Variants in TP63 observed in about 807,000 individuals in gnomAD.
TP63 encodes tumor protein p63.
In TP63, 17 loss-of-function variants were observed where a neutral mutation model predicts 82.8. The observed-to-expected ratio is 0.21, with a 90% CI of 0.14 to 0.31. The LOEUF (loss-of-function observed/expected upper bound fraction) is 0.31, where lower values mean the gene tolerates loss of function less well. Among genes scored for constraint, TP63 ranks in the 10% least tolerant of loss-of-function variants. The probability of loss-of-function intolerance (pLI) is 1.00; values close to 1 mark genes in which losing one functional copy is unlikely to be tolerated. For synonymous variants in TP63, 330 were observed against 321.7 expected (o/e 1.03, Z -0.28); for missense variants, 648 against 895.3 (o/e 0.72, Z 3.52).
intron 1 of TP63, among the ~76,000 whole-genome samples, chr3:189,679,997 C>T (rs1198752119): frequency 2.6e-5 from 4 of 152,046 alleles, no homozygotes; most frequent in Admixed American, 2.6e-4. Context: ...TATGACAGTA[C>T]CACACTGTCT....
chr3:189,680,064 A>T (rs1356491691), intron 1 of TP63, among the ~76,000 whole-genome samples: 2 of 152,124 alleles, frequency 1.3e-5, no homozygotes, highest in African/African-American at 4.8e-5. Flanking sequence ...GCTCAAAATC[A>T]CTTTGGCTAT....
At chr3:189,846,682 C>CTT (rs1204688713) in intron 4 of TP63, among the ~76,000 whole-genome samples, 1,154 of 70,644 alleles carry the variant, frequency 0.016, 139 homozygotes, top group African/African-American at 0.055. Flanking sequence ...TTTCCACATT[C>CTT]TTTTTTTTTT....
intron 4 of TP63, among the ~76,000 whole-genome samples, chr3:189,833,635 T>C (rs1411157608): frequency 1.3e-5 from 2 of 151,592 alleles, no homozygotes. Context: ...CAGATCACAC[T>C]GAAAGAGGAA....
chr3:189,771,457 AAT>A (rs1278820821), intron 3 of TP63, among the ~76,000 whole-genome samples: 4 of 142,290 alleles, frequency 2.8e-5, no homozygotes, highest in Non-Finnish European at 4.5e-5. Flanking sequence ...TATTATATTA[AAT>A]ATATAATATT....
At chr3:189,841,377 G>A (rs545208362) in intron 4 of TP63, among the ~76,000 whole-genome samples, 2 of 152,178 alleles carry the variant, frequency 1.3e-5, no homozygotes, top group Non-Finnish European at 2.9e-5. Context: ...CTATACAGAT[G>A]GGTGAGTGAT....
chr3:189,802,418 C>G (rs145093855), intron 3 of TP63, among the ~76,000 whole-genome samples: 51 of 152,234 alleles, frequency 3.4e-4, no homozygotes, highest in Non-Finnish European at 6.9e-4. Flanking sequence ...GAACAGTTAC[C>G]TTAGAAAACT....
intron 1 of TP63, among the ~76,000 whole-genome samples, chr3:189,688,147 G>A (rs1463892251): frequency 6.6e-6 from 1 of 152,178 alleles, no homozygotes; most frequent in Non-Finnish European, 1.5e-5. Flanking sequence ...GGGGGATTGA[G>A]TTTAAAGAAA....
intron 4 of TP63, among the ~76,000 whole-genome samples, chr3:189,845,540 C>A (rs150571895): frequency 1.8e-3 from 275 of 152,010 alleles, no homozygotes; most frequent in African/African-American, 6.4e-3. Flanking sequence ...ATTTTTCTCT[C>A]TTTTTTAAAG....
At chr3:189,860,392 G>A (rs1019388450) in intron 4 of TP63, among the ~76,000 whole-genome samples, 1 of 152,172 alleles carries the variant, frequency 6.6e-6, no homozygotes, top group African/African-American at 2.4e-5. Flanking sequence ...TATTTTGTAA[G>A]GGATACGGAA....
the TP63 span, among the ~76,000 whole-genome samples, chr3:189,613,030 AT>A: frequency 6.6e-6 from 1 of 152,216 alleles, no homozygotes. Flanking sequence ...CTTCCTGACT[AT>A]GTGATAGAAA....
chr3:189,766,812 C>G (rs1227108808), intron 3 of TP63, among the ~76,000 whole-genome samples: 3 of 152,130 alleles, frequency 2.0e-5, no homozygotes, highest in Non-Finnish European at 4.4e-5. Context: ...GTAACAAAAA[C>G]AGAAACAATT....
intron 4 of TP63, among the ~76,000 whole-genome samples, chr3:189,817,417 A>G (rs1038194641): frequency 7.9e-5 from 12 of 152,154 alleles, no homozygotes; most frequent in Admixed American, 1.3e-4. Flanking sequence ...CTAACAAGCT[A>G]TATGAACTGG....
intron 1 of TP63, among the ~76,000 whole-genome samples, chr3:189,707,849 G>T (rs1423116485): frequency 6.6e-6 from 1 of 152,038 alleles, no homozygotes; most frequent in African/African-American, 2.4e-5. Context: ...TTTTAGAGTG[G>T]CTTTCCAATA....
chr3:189,826,048 G>T (rs1416131089), intron 4 of TP63, among the ~76,000 whole-genome samples: 3 of 152,170 alleles, frequency 2.0e-5, no homozygotes, highest in African/African-American at 7.2e-5. Flanking sequence ...ATAGGAAATG[G>T]TGAGAAAAAT....
intron 1 of TP63, among the ~76,000 whole-genome samples, chr3:189,673,258 T>C (rs1272334835): frequency 6.6e-6 from 1 of 152,166 alleles, no homozygotes; most frequent in African/African-American, 2.4e-5. Flanking sequence ...TTCCTCAGTC[T>C]GATAAAACTG....
the TP63 span, among the ~76,000 whole-genome samples, chr3:189,622,535 A>C: frequency 6.6e-6 from 1 of 152,216 alleles, no homozygotes; most frequent in African/African-American, 2.4e-5. Flanking sequence ...ATGGACATAA[A>C]ATATTTAGTA....
intron 1 of TP63, among the ~76,000 whole-genome samples, chr3:189,714,942 C>T (rs1469413040): frequency 6.6e-6 from 1 of 152,122 alleles, no homozygotes; most frequent in Non-Finnish European, 1.5e-5. Context: ...GTTCAGCAAA[C>T]TGTTTTATTT....
At chr3:189,671,239 T>G (rs1481112285) in intron 1 of TP63, among the ~76,000 whole-genome samples, 1 of 151,926 alleles carries the variant, frequency 6.6e-6, no homozygotes, top group Non-Finnish European at 1.5e-5. Flanking sequence ...TGGATAAACA[T>G]TTCTCAAAAG....
intron 3 of TP63, among the ~76,000 whole-genome samples, chr3:189,801,301 AT>A (rs1726282615): frequency 6.6e-6 from 1 of 152,194 alleles, no homozygotes; most frequent in Non-Finnish European, 1.5e-5. Context: ...CTTCAAACAT[AT>A]TTTGATTCAC....
Sources: gnomAD v4.1 joint callset for allele counts (sites outside exome capture counted in the v4.1 genomes callset) on GRCh38, gnomAD v4.1.1 for gene constraint, MANE v1.5 for transcripts, NCBI Gene and HGNC (gene_info 2026-07-23, HGNC 2026-07-21) for gene names.